Variants in GRPR observed in about 807,000 individuals in gnomAD.
The protein encoded by GRPR is gastrin-releasing peptide receptor.
Under a neutral mutation model 15.6 loss-of-function variants are expected in GRPR, and 4 were observed. That is an observed-to-expected ratio of 0.26 (90% CI 0.13 to 0.59). The LOEUF (loss-of-function observed/expected upper bound fraction) is 0.59, where lower values mean the gene tolerates loss of function less well. Ranked by LOEUF, GRPR falls within the 20% of genes least tolerant of loss-of-function variation. The pLI, the probability that GRPR is intolerant of heterozygous loss-of-function variation, is 0.90. For missense variants in GRPR, 270 were observed against 304.1 expected (o/e 0.89, Z 0.83); for synonymous variants, 128 against 126.8 (o/e 1.01, Z -0.06).
At chrX:16,149,728 G>C (rs1214355230) in intron 1 of GRPR, among the ~76,000 whole-genome samples, 1 of 103,447 alleles carries the variant, frequency 9.7e-6, no homozygotes, top group Non-Finnish European at 2.0e-5. Context: ...TAATTTCTAT[G>C]ATTTAAGAAG....
chrX:16,123,900 A>G lies in GRPR; in HGVS notation c.-54A>G, dbSNP rs1369383057. The stretch of plus-strand genomic sequence containing the variant: ...TCATCTTCACTCGGTTGCAAAATCA[A>G]TAGTTAAGAAATAGCATCTAAGGGA... On this transcript the variant is annotated 5_prime_UTR_variant, in exon 1 of 3. Coordinates refer to ENST00000380289, the MANE Select transcript of GRPR (RefSeq NM_005314.3). 1.2e-5 allele frequency: 12 copies of G among 1,017,342 alleles called. No homozygotes were observed. The highest frequency in any genetic ancestry group is 1.5e-5 in the Non-Finnish European group (11 of 725,659). The allele number at this position is 1,017,342 out of a possible 1,213,427, so 83.8% of individuals were successfully genotyped here.
chrX:16,152,945 G>A lies in GRPR; in HGVS notation c.*300G>A, dbSNP rs757421391. 212 of 331,407 alleles carry A rather than the reference G, an allele frequency of 6.4e-4. 2 individuals are homozygous for A. Among genetic ancestry groups the A allele is most frequent in the South Asian group, 3.4e-3 (64 of 18,825 alleles). The allele number at this position is 331,407 out of a possible 1,213,427, so 27.3% of individuals were successfully genotyped here. On this transcript the variant is annotated 3_prime_UTR_variant, in exon 3 of 3. Coordinates refer to ENST00000380289, the MANE Select transcript of GRPR (RefSeq NM_005314.3). ...AAGCCTCAAGCCCTGTTAAATGGTC[G>A]TGGCCAATTATGTCATAGAAACTGT... is the stretch of plus-strand genomic sequence containing the variant.
At chrX:16,152,093 C>G (rs889376624) in intron 2 of GRPR, among the ~76,000 whole-genome samples, 163 bp from the exon 3 acceptor site, 1 of 110,038 alleles carries the variant, frequency 9.1e-6, no homozygotes, top group African/African-American at 3.3e-5. Context: ...TGGATTCTCT[C>G]TTGCCCTCTC....
intron 1 of GRPR, among the ~76,000 whole-genome samples, chrX:16,138,847 C>T (rs1044263069): frequency 4.5e-5 from 5 of 112,255 alleles, no homozygotes; most frequent in African/African-American, 1.6e-4. Flanking sequence ...CCAGAACTTT[C>T]TTCATCTTCC....
intron 1 of GRPR, among the ~76,000 whole-genome samples, chrX:16,129,207 A>G (rs1030710875): frequency 1.2e-4 from 14 of 112,436 alleles, no homozygotes; most frequent in African/African-American, 1.6e-4. Context: ...TATTTCTGCA[A>G]ACTTCTTGAA....
At chrX:16,124,869 T>G (rs775963673) in intron 1 of GRPR, among the ~76,000 whole-genome samples, 21 of 112,719 alleles carry the variant, frequency 1.9e-4, no homozygotes, top group Non-Finnish European at 3.6e-4. Flanking sequence ...TCAGACAGTT[T>G]AACTTTTCTC....
chrX:16,149,591 C>G (rs1351950525), intron 1 of GRPR, among the ~76,000 whole-genome samples: 1 of 94,932 alleles, frequency 1.1e-5, no homozygotes, highest in East Asian at 3.5e-4. Context: ...TTAAAATACT[C>G]AACGACTTAA....
intron 1 of GRPR, among the ~76,000 whole-genome samples, chrX:16,134,755 T>A (rs1292799785): frequency 9.0e-6 from 1 of 110,893 alleles, no homozygotes; most frequent in Non-Finnish European, 1.9e-5. Context: ...GCTCTCACTT[T>A]CTCTGCTGCT....
chrX:16,128,142 C>T (rs1409094819), intron 1 of GRPR, among the ~76,000 whole-genome samples: 3 of 112,420 alleles, frequency 2.7e-5, no homozygotes, highest in East Asian at 5.5e-4. Context: ...ATTAAAATTA[C>T]GTTTAGTTAA....
intron 1 of GRPR, among the ~76,000 whole-genome samples, chrX:16,131,968 G>T (rs868765795): frequency 8.9e-6 from 1 of 112,054 alleles, no homozygotes; most frequent in African/African-American, 3.2e-5. Flanking sequence ...TTGTTCATTT[G>T]TTTGTTTACT....
chrX:16,128,763 A>G (rs1458091471), intron 1 of GRPR, among the ~76,000 whole-genome samples: 1 of 109,923 alleles, frequency 9.1e-6, no homozygotes, highest in Non-Finnish European at 1.9e-5. Flanking sequence ...GGTGGGTTAC[A>G]TGTATGAGTG....
In GRPR at chrX:16,150,362, C is replaced by G. The variant is rs372198650; in HGVS notation, c.471C>G (p.Ile157Met). ...DIQASHALMK[I>M]CLKAAFIWII... ...AGGCCTCTCATGCCCTGATGAAGAT[C>G]TGCCTCAAAGCCGCCTTTATCTGGA... Residue 157 changes from isoleucine to methionine, a missense_variant, in exon 2 of 3, where the codon ATC becomes ATG. Around this residue, in one of 3 missense-constraint regions of GRPR, gnomAD observed 115 missense variants for 128.8 expected, o/e 0.89. Transcript: ENST00000380289. 77 of 1,207,610 alleles carry G rather than the reference C, an allele frequency of 6.4e-5. No homozygotes were observed. The highest frequency in any genetic ancestry group is 7.9e-5 in the Non-Finnish European group (71 of 893,354).
intron 1 of GRPR, among the ~76,000 whole-genome samples, chrX:16,143,976 A>C (rs1461370446): frequency 8.9e-6 from 1 of 112,377 alleles, no homozygotes; most frequent in African/African-American, 3.2e-5. Context: ...ACTAGTTGGG[A>C]GAATCACCAT....
intron 2 of GRPR, among the ~76,000 whole-genome samples, chrX:16,151,270 G>C (rs998269850): frequency 8.9e-6 from 1 of 112,146 alleles, no homozygotes; most frequent in African/African-American, 3.2e-5. Flanking sequence ...CCCTCCATAT[G>C]ATTAGACTCT....
intron 2 of GRPR, among the ~76,000 whole-genome samples, chrX:16,150,909 A>C (rs1024236271): frequency 3.6e-5 from 4 of 112,228 alleles, no homozygotes; most frequent in Non-Finnish European, 5.6e-5. Flanking sequence ...CTTTTGGAGA[A>C]ATAATCTGAA....
chrX:16,129,988 C>G (rs983200021), intron 1 of GRPR, among the ~76,000 whole-genome samples: 1 of 111,528 alleles, frequency 9.0e-6, no homozygotes, highest in African/African-American at 3.3e-5. Flanking sequence ...TGGCTGGGCC[C>G]TATTCTTTCC....
intron 1 of GRPR, among the ~76,000 whole-genome samples, chrX:16,125,605 G>A (rs760995008): frequency 8.9e-6 from 1 of 112,412 alleles, no homozygotes; most frequent in East Asian, 2.8e-4. Context: ...GCTTTGTTGA[G>A]TAATGGACAA....
chrX:16,134,446 T>C lies in GRPR; in HGVS notation c.413+10080T>C, dbSNP rs186919861. 7.4e-4 allele frequency among the ~76,000 whole-genome samples: 83 copies of C among 112,459 alleles called. No individual in the cohort carries two copies. In the East Asian group the frequency reaches 0.02, roughly 27 times the overall value. On this transcript the variant is annotated intron_variant, in intron 1 of 2. Transcript: ENST00000380289. ...GTTTCTATTTATGTATCAAGAATTA[T>C]AGATAATTTGAGGCTCTAGATGGTA...
intron 1 of GRPR, among the ~76,000 whole-genome samples, chrX:16,134,305 T>C (rs1922418555): frequency 8.9e-6 from 1 of 112,188 alleles, no homozygotes; most frequent in African/African-American, 3.2e-5. Flanking sequence ...TTATTATATA[T>C]TGCAATTCTA....
Sources: gnomAD v4.1 joint callset for allele counts (sites outside exome capture counted in the v4.1 genomes callset) on GRCh38, gnomAD v4.1.1 for gene constraint, gnomAD v4.1.1 regional missense constraint, MANE v1.5 for transcripts, NCBI Gene and HGNC (gene_info 2026-07-23, HGNC 2026-07-21) for gene names.